Variants in DAB1 observed in about 807,000 individuals in gnomAD.
DAB1 encodes the protein disabled homolog 1.
Under a neutral mutation model 64.6 loss-of-function variants are expected in DAB1, and 15 were observed. The ratio of observed to expected loss-of-function variants is 0.23; its 90% CI spans 0.16 to 0.36. The LOEUF (loss-of-function observed/expected upper bound fraction) is 0.36, where lower values mean the gene tolerates loss of function less well. Among genes scored for constraint, DAB1 ranks in the 10% least tolerant of loss-of-function variants. The pLI is 1.00. For synonymous variants in DAB1, 235 were observed against 251.9 expected (o/e 0.93, Z 0.64); for missense variants, 596 against 706.7 (o/e 0.84, Z 1.78).
chr1:57,920,446 G>A (rs1028092030), intron 5 of DAB1, among the ~76,000 whole-genome samples: 1 of 152,070 alleles, frequency 6.6e-6, no homozygotes, highest in African/African-American at 2.4e-5. Flanking sequence ...CCAAGTAGCT[G>A]GTGAGTACAG....
At chr1:57,093,406 G>A (rs1653871116) in intron 4 of DAB1, among the ~76,000 whole-genome samples, 2 of 152,092 alleles carry the variant, frequency 1.3e-5, no homozygotes, top group Non-Finnish European at 2.9e-5. Flanking sequence ...CTGAGATCCA[G>A]GCCTTGAAAA....
At chr1:57,160,257 T>C (rs1660621796) in intron 2 of DAB1, among the ~76,000 whole-genome samples, 1 of 152,152 alleles carries the variant, frequency 6.6e-6, no homozygotes, top group Non-Finnish European at 1.5e-5. Flanking sequence ...CTTTAAACAA[T>C]ATGTAAGTTC....
intron 4 of DAB1, among the ~76,000 whole-genome samples, chr1:58,222,437 C>T (rs1424178690): frequency 6.6e-6 from 1 of 152,218 alleles, no homozygotes; most frequent in African/African-American, 2.4e-5. Context: ...CACTAACAAT[C>T]CATCCCTTTC....
rs558023026 is a variant in DAB1, at chr1:58,163,585, T to A, written n.310-12997A>T. Among the ~76,000 whole-genome samples the A allele has an allele frequency of 3.9e-5, 6 of 152,298 alleles. No homozygotes were observed. The East Asian group carries it at 9.6e-4, about 24-fold the overall frequency. ...GAACAGGGGGAATCTGGTGCCTGCT[T>A]GCCTGGGACTGAACTCCTTCCCAAT... On this transcript the variant is annotated intron_variant and non_coding_transcript_variant, in intron 4 of 20. Coordinates refer to the DAB1 transcript ENST00000485760.
At chr1:58,107,750 G>T (rs1023378140) in intron 5 of DAB1, among the ~76,000 whole-genome samples, 1 of 151,946 alleles carries the variant, frequency 6.6e-6, no homozygotes, top group Non-Finnish European at 1.5e-5. Flanking sequence ...CAAAGTACCT[G>T]GGATTACAGG....
chr1:57,577,724 C>G (rs1645266742), intron 7 of DAB1, among the ~76,000 whole-genome samples: 1 of 152,136 alleles, frequency 6.6e-6, no homozygotes, highest in Admixed American at 6.5e-5. Flanking sequence ...TCCACAAAAC[C>G]TGCTGAATCC....
chr1:57,119,493 G>T (rs1462748379), intron 4 of DAB1, among the ~76,000 whole-genome samples: 1 of 152,022 alleles, frequency 6.6e-6, no homozygotes, highest in Non-Finnish European at 1.5e-5. Flanking sequence ...TACTATACAT[G>T]AATGTACTTT....
At chr1:57,176,970 TATAAAAAA>T (rs1213205918) in intron 2 of DAB1, among the ~76,000 whole-genome samples, 6 of 61,054 alleles carry the variant, frequency 9.8e-5, no homozygotes, top group Non-Finnish European at 1.4e-4. Context: ...CAGCAGCAGA[TATAAAAAA>T]AAAAAAAAAA....
intron 3 of DAB1, among the ~76,000 whole-genome samples, chr1:58,415,077 A>G (rs1321005623): frequency 1.3e-5 from 2 of 152,124 alleles, no homozygotes; most frequent in East Asian, 3.8e-4. Flanking sequence ...GGTAATTAAG[A>G]TTAGCTGAGG....
chr1:58,364,714 CAT>C (rs2100529031), intron 3 of DAB1, among the ~76,000 whole-genome samples: 1 of 152,330 alleles, frequency 6.6e-6, no homozygotes, highest in African/African-American at 2.4e-5. Flanking sequence ...TATTTATATA[CAT>C]GTGTGTATGT....
chr1:57,767,049 T>C (rs993938634), intron 6 of DAB1, among the ~76,000 whole-genome samples: 1 of 152,136 alleles, frequency 6.6e-6, no homozygotes, highest in Non-Finnish European at 1.5e-5. Flanking sequence ...AGCCCATCAA[T>C]GTGTTCACTA....
chr1:57,209,809 C>T (rs2100324043), intron 2 of DAB1, among the ~76,000 whole-genome samples: 1 of 152,256 alleles, frequency 6.6e-6, no homozygotes, highest in East Asian at 1.9e-4. Context: ...CCTCTGGTCC[C>T]AGTATTTGTA....
upstream of DAB1, among the ~76,000 whole-genome samples, chr1:57,428,323 C>T (rs566651529): frequency 2.1e-3 from 320 of 152,290 alleles, 1 homozygote; most frequent in Non-Finnish European, 3.7e-3. Context: ...ATTTTCCCCA[C>T]TGTCTAGCCC....
At position 57,806,805 on chromosome 1, in the gene DAB1, C is replaced by T. The variant is rs369078786; in HGVS notation, n.551+77194G>A. The stretch of plus-strand genomic sequence containing the variant: ...TTGGGTACTTTACCAAAAATTAACA[C>T]ATTCCCTAATACGTCCCACTTCCCT... On this transcript the variant is annotated intron_variant and non_coding_transcript_variant, in intron 6 of 20. Transcript: ENST00000485760. 7.4e-4 allele frequency among the ~76,000 whole-genome samples: 112 copies of T among 152,318 alleles called. 1 individual carries two copies. Among genetic ancestry groups the T allele is most frequent in the African/African-American group, 2.5e-3 (106 of 41,572 alleles).
intron 4 of DAB1, among the ~76,000 whole-genome samples, chr1:58,280,814 G>T (rs1380045383): frequency 6.6e-6 from 1 of 152,210 alleles, no homozygotes; most frequent in Non-Finnish European, 1.5e-5. Context: ...GGGAGTGGGG[G>T]TGGCACCCAA....
chr1:58,097,050 C>G (rs1651026283), intron 5 of DAB1, among the ~76,000 whole-genome samples: 1 of 152,266 alleles, frequency 6.6e-6, no homozygotes, highest in Non-Finnish European at 1.5e-5. Context: ...GCAATTTACC[C>G]TTAACCCTTT....
rs1157391081 is a variant in DAB1, at chr1:58,366,929, G to A, written n.258-23526C>T. On this transcript the variant is annotated intron_variant and non_coding_transcript_variant, in intron 3 of 20. Coordinates refer to the DAB1 transcript ENST00000485760. Reference sequence around the variant, plus strand: ...AATAGTACACATTAATTGGTCATAAGACACAGATTTTCAAACAATATTTTA... The same window carrying A: ...AATAGTACACATTAATTGGTCATAAAACACAGATTTTCAAACAATATTTTA... 3.3e-5 allele frequency among the ~76,000 whole-genome samples: 5 copies of A among 152,180 alleles called. No individual in the cohort carries two copies. The East Asian group carries it at 9.6e-4, about 29-fold the overall frequency.
At chr1:57,918,763 G>A (rs1335921068) in intron 5 of DAB1, among the ~76,000 whole-genome samples, 11 of 152,116 alleles carry the variant, frequency 7.2e-5, no homozygotes, top group Admixed American at 6.5e-4. Flanking sequence ...GGCAGAGCTT[G>A]CGGTGAGCAG....
intron 7 of DAB1, among the ~76,000 whole-genome samples, chr1:57,479,511 A>G (rs1643984530): frequency 6.6e-6 from 1 of 151,494 alleles, no homozygotes; most frequent in Non-Finnish European, 1.5e-5. Flanking sequence ...GCAGCATATC[A>G]TAGTACCCAA....
Sources: allele counts gnomAD v4.1 joint callset (sites outside exome capture counted in the v4.1 genomes callset), GRCh38; gene constraint gnomAD v4.1.1; transcripts MANE v1.5; gene names NCBI Gene and HGNC (gene_info 2026-07-23, HGNC 2026-07-21).